THSD7B: variants seen among roughly 807,000 people sequenced by gnomAD.
THSD7B encodes thrombospondin type 1 domain containing 7B.
In THSD7B, 138 loss-of-function variants were observed where a neutral mutation model predicts 213.6. That is an observed-to-expected ratio of 0.65 (90% confidence interval 0.56 to 0.74). THSD7B has a LOEUF of 0.74. THSD7B is among the 30% of genes least tolerant of loss of function. THSD7B has a pLI of 0.00. For synonymous variants in THSD7B, 742 were observed against 687.0 expected (o/e 1.08, Z -1.25); for missense variants, 1,931 against 1,991.5 (o/e 0.97, Z 0.58).
At chr2:137,240,335 A>C (rs1681873419) in intron 9 of THSD7B, among the ~76,000 whole-genome samples, 1 of 152,230 alleles carries the variant, frequency 6.6e-6, no homozygotes, top group Non-Finnish European at 1.5e-5. Flanking sequence ...TGTTAACACT[A>C]TGAAATTGCT....
At chr2:136,767,888 A>C (rs1340000010) in intron 1 of THSD7B, among the ~76,000 whole-genome samples, 1 of 152,228 alleles carries the variant, frequency 6.6e-6, no homozygotes, top group African/African-American at 2.4e-5. Flanking sequence ...TTGAGAAATG[A>C]TCTTACAATA....
chr2:137,328,804 T>C (rs1361596276), intron 12 of THSD7B, among the ~76,000 whole-genome samples: 1 of 152,210 alleles, frequency 6.6e-6, no homozygotes, highest in Non-Finnish European at 1.5e-5. Flanking sequence ...CTGATGGTTT[T>C]ATAAGGGCCC....
intron 3 of THSD7B, among the ~76,000 whole-genome samples, chr2:137,077,905 C>T (rs955361508): frequency 6.6e-6 from 1 of 152,148 alleles, no homozygotes; most frequent in Non-Finnish European, 1.5e-5. Flanking sequence ...TTGTCCATGC[C>T]TATGTCCTGA....
chr2:137,378,216 G>A (rs1206928807), intron 12 of THSD7B, among the ~76,000 whole-genome samples: 1 of 152,124 alleles, frequency 6.6e-6, no homozygotes, highest in East Asian at 1.9e-4. Context: ...AATGATTGCT[G>A]ACAATGTCTT....
At chr2:136,825,206 A>G (rs1682625756) in intron 1 of THSD7B, among the ~76,000 whole-genome samples, 1 of 152,244 alleles carries the variant, frequency 6.6e-6, no homozygotes, top group Non-Finnish European at 1.5e-5. Flanking sequence ...AAAGGGAAAC[A>G]AGGTAGTCTT....
At chr2:137,202,016 G>A (rs796683995) in intron 7 of THSD7B, among the ~76,000 whole-genome samples, 2 of 152,062 alleles carry the variant, frequency 1.3e-5, no homozygotes, top group African/African-American at 2.4e-5. Flanking sequence ...TATAGATTCT[G>A]GATCTGGGTC....
chr2:137,425,003 C>T (rs770438029), intron 14 of THSD7B, among the ~76,000 whole-genome samples: 1 of 150,968 alleles, frequency 6.6e-6, no homozygotes, highest in African/African-American at 2.4e-5. Flanking sequence ...ACCCGGGAGG[C>T]GGAGCTTACA....
rs76256471 is a variant in THSD7B at position 136,899,093 on chromosome 2, G to A, written c.139+16776G>A. Among the ~76,000 whole-genome samples the A allele has an allele frequency of 1.1e-3, 160 of 152,232 alleles. 1 individual carries two copies. Among genetic ancestry groups the A allele is most frequent in the South Asian group, 1.9e-3 (9 of 4,830 alleles). On this transcript the variant is annotated intron_variant, in intron 2 of 27. Transcript: ENST00000409968. ...CAAGGAACCATAAAAAATACCCTTA[G>A]TTAAATGAATAGACTATTAAGTGAT...
chr2:137,390,989 G>GGTGTGT (rs571619022), intron 12 of THSD7B, among the ~76,000 whole-genome samples: 1 of 150,588 alleles, frequency 6.6e-6, no homozygotes, highest in Non-Finnish European at 1.5e-5. Flanking sequence ...TGTGGTATGG[G>GGTGTGT]GTGTGTGTGT....
intron 4 of THSD7B, among the ~76,000 whole-genome samples, chr2:137,114,549 A>T (rs570367374): frequency 1.9e-4 from 29 of 152,324 alleles, no homozygotes; most frequent in African/African-American, 7.0e-4. Flanking sequence ...TTAATCAGTT[A>T]TATATAGTGG....
chr2:136,910,870 A>G (rs1684245581), intron 2 of THSD7B, among the ~76,000 whole-genome samples: 1 of 152,028 alleles, frequency 6.6e-6, no homozygotes, highest in Non-Finnish European at 1.5e-5. Flanking sequence ...TTTTGCTACT[A>G]CTTTGCTGGT....
At chr2:137,440,845 A>G (rs1687393770) in intron 14 of THSD7B, among the ~76,000 whole-genome samples, 1 of 152,138 alleles carries the variant, frequency 6.6e-6, no homozygotes, top group Non-Finnish European at 1.5e-5. Flanking sequence ...GAGATAAAGA[A>G]AAAAGAAGAG....
chr2:137,560,149 G>C (rs1196740660), intron 15 of THSD7B, among the ~76,000 whole-genome samples: 2 of 150,116 alleles, frequency 1.3e-5, no homozygotes, highest in Non-Finnish European at 2.9e-5. Flanking sequence ...GGAAGACTGT[G>C]TGGCGATTCC....
chr2:137,211,063 A>G (rs1681091951), intron 7 of THSD7B, among the ~76,000 whole-genome samples: 1 of 151,986 alleles, frequency 6.6e-6, no homozygotes, highest in South Asian at 2.1e-4. Flanking sequence ...CACCTGTTAA[A>G]GTGAACATTC....
intron 26 of THSD7B, among the ~76,000 whole-genome samples, chr2:137,666,811 T>C (rs1683457187): frequency 6.6e-6 from 1 of 152,126 alleles, no homozygotes; most frequent in Admixed American, 6.5e-5. Context: ...TTTGTGAATA[T>C]ATGTATATAT....
chr2:137,539,064 C>T (rs1233869050), intron 15 of THSD7B, among the ~76,000 whole-genome samples: 1 of 151,686 alleles, frequency 6.6e-6, no homozygotes, highest in Non-Finnish European at 1.5e-5. Flanking sequence ...TCATATAAAT[C>T]ACAAGTTCTT....
chr2:137,268,128 G>A (rs184674467), intron 10 of THSD7B, among the ~76,000 whole-genome samples: 1 of 152,216 alleles, frequency 6.6e-6, no homozygotes, highest in Admixed American at 6.5e-5. Flanking sequence ...TATGGATCCA[G>A]AATCTAAGAG....
chr2:137,496,162 T>C (rs1573662000), intron 15 of THSD7B, among the ~76,000 whole-genome samples: 1 of 152,248 alleles, frequency 6.6e-6, no homozygotes, highest in East Asian at 1.9e-4. Flanking sequence ...TCAAAGAAAG[T>C]TACATTTTTA....
intron 3 of THSD7B, among the ~76,000 whole-genome samples, chr2:137,092,723 C>T (rs1370767929): frequency 6.6e-6 from 1 of 152,180 alleles, no homozygotes; most frequent in African/African-American, 2.4e-5. Flanking sequence ...TAGCCCCCTC[C>T]TCCCAGGTTC....
Sources: gnomAD v4.1 joint callset for allele counts (sites outside exome capture counted in the v4.1 genomes callset) on GRCh38, gnomAD v4.1.1 for gene constraint, MANE v1.5 for transcripts, NCBI Gene and HGNC (gene_info 2026-07-23, HGNC 2026-07-21) for gene names.